Variants in FNDC3A observed in about 807,000 individuals in gnomAD.
FNDC3A encodes the protein fibronectin type III domain containing 3A.
A neutral mutation model predicts 148.9 loss-of-function variants in FNDC3A; 32 were observed. The ratio of observed to expected loss-of-function variants is 0.21; its 90% confidence interval spans 0.16 to 0.29. The LOEUF is 0.29. Among genes scored for constraint, FNDC3A ranks in the 10% least tolerant of loss-of-function variants. FNDC3A has a pLI of 1.00. For missense variants in FNDC3A, 1,191 were observed against 1,452.8 expected (o/e 0.82, Z 2.93); for synonymous variants, 472 against 473.6 (o/e 1.00, Z 0.04).
intron 2 of FNDC3A, among the ~76,000 whole-genome samples, chr13:49,067,247 T>C (rs1877328654): frequency 6.6e-6 from 1 of 152,246 alleles, no homozygotes; most frequent in South Asian, 2.1e-4. Flanking sequence ...ATATGTAAGA[T>C]GTGCCTACAT....
chr13:49,062,872 A>C (rs1876994095), intron 2 of FNDC3A, among the ~76,000 whole-genome samples: 1 of 152,184 alleles, frequency 6.6e-6, no homozygotes, highest in Admixed American at 6.5e-5. Context: ...GCCACACGGT[A>C]GCTGTTTAAG....
At chr13:49,180,341 T>C (rs968137107) in intron 14 of FNDC3A, among the ~76,000 whole-genome samples, 2 of 152,242 alleles carry the variant, frequency 1.3e-5, no homozygotes, top group Admixed American at 1.3e-4. Flanking sequence ...TTCTTGAGAA[T>C]CTTAAGTCTT....
chr13:49,016,243 T>C (rs550964623), intron 2 of FNDC3A, among the ~76,000 whole-genome samples: 634 of 152,300 alleles, frequency 4.2e-3, no homozygotes, highest in Non-Finnish European at 5.7e-3. Context: ...TGGACTCTTT[T>C]TGGTTGGTAA....
At chr13:49,080,926 A>G (rs1878425917) in intron 3 of FNDC3A, among the ~76,000 whole-genome samples, 1 of 152,192 alleles carries the variant, frequency 6.6e-6, no homozygotes. Context: ...GTAGATACAC[A>G]TACAGAAATA....
intron 7 of FNDC3A, among the ~76,000 whole-genome samples, chr13:49,141,937 G>T (rs1593650656): frequency 6.6e-6 from 1 of 152,086 alleles, no homozygotes; most frequent in Non-Finnish European, 1.5e-5. Context: ...AATTATTCAG[G>T]TCCTAGTCAA....
chr13:49,046,993 C>T (rs1875466018), intron 2 of FNDC3A, among the ~76,000 whole-genome samples: 1 of 151,942 alleles, frequency 6.6e-6, no homozygotes, highest in South Asian at 2.1e-4. Context: ...AGTCTTTTAT[C>T]CCTCACCTCC....
At chr13:49,040,630 A>T (rs752198665) in intron 2 of FNDC3A, among the ~76,000 whole-genome samples, 11 of 152,252 alleles carry the variant, frequency 7.2e-5, no homozygotes, top group Admixed American at 7.2e-4. Context: ...TGCAAACTTA[A>T]GAGTATGGTT....
At chr13:49,095,789 A>C (rs913734579) in intron 3 of FNDC3A, among the ~76,000 whole-genome samples, 1 of 152,080 alleles carries the variant, frequency 6.6e-6, no homozygotes, top group Non-Finnish European at 1.5e-5. Context: ...ATTTTTTTCC[A>C]GGAGCATACC....
In FNDC3A at chr13:49,138,870, CA is replaced by C. The variant is rs1566277240; in HGVS notation, c.819+69del. The C allele has an allele frequency of 1.4e-5, 12 of 884,054 alleles. No homozygotes were observed. In the South Asian group the frequency reaches 2.3e-4, roughly 17 times the overall value. 54.8% of individuals were successfully genotyped at this position (884,054 alleles called of 1,614,324 possible). On this transcript the variant is annotated intron_variant, in intron 7 of 25. Coordinates refer to ENST00000492622, the MANE Select transcript of FNDC3A (RefSeq NM_001079673.2). ...ATATTAGCATAAGATGTTCATCCATCAAAATGTAGTTTTTTTCTTTTAACTT... is the reference window on the plus strand; with the variant it reads ...ATATTAGCATAAGATGTTCATCCATCAAATGTAGTTTTTTTCTTTTAACTT...
Position 49,131,182 on chromosome 13 carries a change from G to T in FNDC3A, c.298G>T (p.Ala100Ser). Reference protein sequence around the residue: ...GVRRVVVVPQAPEFHPGSHTV... With the variant: ...GVRRVVVVPQSPEFHPGSHTV... ...TCGAAGAGTTGTCGTGGTCCCTCAG[G>T]CACCAGAGTTTCACCCTGGTAGTCA... Residue 100 changes from alanine to serine, a missense_variant, in exon 5 of 26, where the codon GCA becomes TCA. This residue lies in a region of FNDC3A where 426 missense variants were observed against 473.2 expected (regional missense o/e 0.90). Coordinates refer to ENST00000492622, the MANE Select transcript of FNDC3A (RefSeq NM_001079673.2). 6.2e-7 allele frequency: 1 copy of T among 1,613,868 alleles called. No individual in the cohort carries two copies. The highest frequency in any genetic ancestry group is 1.1e-5 in the South Asian group (1 of 91,074).
chr13:49,193,711 G>C (rs1886007296), intron 19 of FNDC3A, among the ~76,000 whole-genome samples: 1 of 152,162 alleles, frequency 6.6e-6, no homozygotes. Context: ...CTTGAGGTCA[G>C]GAGTTCGAGA....
chr13:48,991,696 GAAAA>G (rs948107508), intron 1 of FNDC3A, among the ~76,000 whole-genome samples: 1 of 147,286 alleles, frequency 6.8e-6, no homozygotes, highest in Admixed American at 6.7e-5. Flanking sequence ...TCAAAAAAAA[GAAAA>G]AAGGAAAAAA....
intron 1 of FNDC3A, chr13:48,976,699 AAG>A (rs1188076065): frequency 1.3e-5 from 2 of 152,328 alleles, no homozygotes; most frequent in East Asian, 1.9e-4. Flanking sequence ...CGCTTTTCTG[AAG>A]AGAGTTTTCC....
At chr13:49,103,608 T>G (rs908145355) in intron 3 of FNDC3A, among the ~76,000 whole-genome samples, 1 of 152,222 alleles carries the variant, frequency 6.6e-6, no homozygotes, top group African/African-American at 2.4e-5. Context: ...AATACTGGAA[T>G]AGTTCTAGAA....
chr13:49,019,419 C>G (rs1460489637), intron 2 of FNDC3A, among the ~76,000 whole-genome samples: 3 of 152,232 alleles, frequency 2.0e-5, no homozygotes, highest in African/African-American at 4.8e-5. Context: ...TCCCTGACCC[C>G]TTGTGCTTCC....
chr13:49,133,430 T>C (rs1256782596), intron 5 of FNDC3A, among the ~76,000 whole-genome samples: 1 of 152,186 alleles, frequency 6.6e-6, no homozygotes, highest in Non-Finnish European at 1.5e-5. Context: ...GTGATCTACA[T>C]TGATATGAAG....
chr13:49,163,568 C>T (rs1593690271), intron 8 of FNDC3A, among the ~76,000 whole-genome samples: 1 of 152,144 alleles, frequency 6.6e-6, no homozygotes, highest in African/African-American at 2.4e-5. Context: ...AAAAGGAATT[C>T]GCTGACCCCT....
chr13:49,141,642 G>A (rs1882694353), intron 7 of FNDC3A, among the ~76,000 whole-genome samples: 1 of 151,760 alleles, frequency 6.6e-6, no homozygotes, highest in Non-Finnish European at 1.5e-5. Flanking sequence ...AATATATATG[G>A]CTTTGAACTC....
At chr13:49,036,776 G>T (rs964371021) in intron 2 of FNDC3A, among the ~76,000 whole-genome samples, 1 of 152,162 alleles carries the variant, frequency 6.6e-6, no homozygotes, top group East Asian at 1.9e-4. Flanking sequence ...GCTTTAGGAT[G>T]GCAGAATCTT....
Sources: gnomAD v4.1 joint callset for allele counts (sites outside exome capture counted in the v4.1 genomes callset) on GRCh38, gnomAD v4.1.1 for gene constraint, gnomAD v4.1.1 regional missense constraint, MANE v1.5 for transcripts, NCBI Gene and HGNC (gene_info 2026-07-23, HGNC 2026-07-21) for gene names.